The following PALM2AKAP2 variants were observed in gnomAD, a reference collection of about 807,000 sequenced individuals.
PALM2AKAP2 encodes PALM2 and AKAP2 fusion.
Under a neutral mutation model 71.5 loss-of-function variants are expected in PALM2AKAP2, and 37 were observed. The observed-to-expected ratio is 0.52, with a 90% CI of 0.40 to 0.68. PALM2AKAP2 has a LOEUF of 0.68. Ranked by LOEUF, PALM2AKAP2 falls within the 30% of genes least tolerant of loss-of-function variation. PALM2AKAP2 has a pLI of 0.00. For missense variants in PALM2AKAP2, 1,224 were observed against 1,191.8 expected, an observed-to-expected ratio of 1.03 and a Z score of -0.40; for synonymous variants, 468 against 478.8, an observed-to-expected ratio of 0.98 and a Z score of 0.29.
chr9:110,083,186 C>T lies in PALM2AKAP2; in HGVS notation c.156+34331C>T, dbSNP rs144821676. Among the ~76,000 whole-genome samples the T allele has an allele frequency of 3.1e-3, 476 of 152,110 alleles. 2 individuals carry two copies. Among genetic ancestry groups the T allele is most frequent in the Non-Finnish European group, 3.9e-3 (262 of 67,966 alleles). On this transcript the variant is annotated intron_variant, in intron 1 of 3. Transcript: ENST00000374525. ...AAAACAAAAACAATGACTTTATATT[C>T]CTCACTTCCCCCAGCCCCTAGCAGC...
intron 7 of PALM2AKAP2, among the ~76,000 whole-genome samples, chr9:110,030,234 T>C (rs895705893): frequency 1.3e-5 from 2 of 152,212 alleles, no homozygotes; most frequent in East Asian, 1.9e-4. Context: ...TGATTTTTAC[T>C]TGAAGAACCA....
At chr9:109,761,463 C>T (rs943384488) in intron 1 of PALM2AKAP2, among the ~76,000 whole-genome samples, 1 of 152,078 alleles carries the variant, frequency 6.6e-6, no homozygotes, top group African/African-American at 2.4e-5. Flanking sequence ...ACCAATCAAC[C>T]TATCATCTAG....
intron 1 of PALM2AKAP2, among the ~76,000 whole-genome samples, chr9:109,809,900 A>G (rs1827682598): frequency 6.6e-6 from 1 of 152,178 alleles, no homozygotes; most frequent in Non-Finnish European, 1.5e-5. Flanking sequence ...CTGCCGCCAT[A>G]TGAAGAAGGA....
chr9:109,788,330 G>T (rs1827020554), intron 1 of PALM2AKAP2, among the ~76,000 whole-genome samples: 2 of 152,194 alleles, frequency 1.3e-5, no homozygotes, highest in Admixed American at 1.3e-4. Context: ...CTCAAGTAAT[G>T]GACATTGTAG....
chr9:109,791,441 A>T (rs975620824), intron 1 of PALM2AKAP2, among the ~76,000 whole-genome samples: 2 of 152,198 alleles, frequency 1.3e-5, no homozygotes, highest in African/African-American at 4.8e-5. Context: ...AGCAGGAAGC[A>T]GCCTGGCATG....
rs1206443029 is a variant in PALM2AKAP2, at chr9:109,654,178, A to G, written c.5+13312A>G. Among the ~76,000 whole-genome samples the G allele has an allele frequency of 3.9e-5, 6 of 152,346 alleles. No individual in the cohort carries two copies. The Middle Eastern group carries it at 0.01, about 259-fold the overall frequency. ...TTATGGCCTCATGTGGCTGTAAGCC[A>G]TAATATCTTGGTATAAATCTCTAGT... On this transcript the variant is annotated intron_variant, in intron 1 of 6. Coordinates refer to the PALM2AKAP2 transcript ENST00000374531.
chr9:110,129,518 C>T (rs1835688516), intron 1 of PALM2AKAP2, among the ~76,000 whole-genome samples: 1 of 152,326 alleles, frequency 6.6e-6, no homozygotes, highest in African/African-American at 2.4e-5. Flanking sequence ...ACCTCTTATT[C>T]TGAAGTTTTA....
chr9:109,717,630 T>C (rs1828345463), intron 1 of PALM2AKAP2, among the ~76,000 whole-genome samples: 1 of 152,168 alleles, frequency 6.6e-6, no homozygotes, highest in Admixed American at 6.5e-5. Context: ...GCAGAAACAA[T>C]TATGAAAAGG....
At chr9:109,767,802 C>T (rs1483040695) in intron 1 of PALM2AKAP2, among the ~76,000 whole-genome samples, 1 of 149,042 alleles carries the variant, frequency 6.7e-6, no homozygotes, top group Admixed American at 6.8e-5. Context: ...CACTTCTCTA[C>T]TCTTAATGTC....
Position 110,088,144 on chromosome 9 carries a change from C to T in PALM2AKAP2, c.156+39289C>T, listed in dbSNP as rs371221533. On this transcript the variant is annotated intron_variant, in intron 1 of 3. Transcript: ENST00000374525. Reference sequence around the variant, plus strand: ...TGAAAGCACACACCACAAGGTGTGCCTTCACAAGCAGCAAGCAGCTCAAGG... The same window carrying T: ...TGAAAGCACACACCACAAGGTGTGCTTTCACAAGCAGCAAGCAGCTCAAGG... Among the ~76,000 whole-genome samples, 70 of 151,878 alleles carry T rather than the reference C, an allele frequency of 4.6e-4. No homozygotes were observed. In the South Asian group the frequency reaches 0.013, roughly 28 times the overall value.
At chr9:109,940,361 G>T (rs1831330844) in intron 6 of PALM2AKAP2, among the ~76,000 whole-genome samples, 1 of 152,148 alleles carries the variant, frequency 6.6e-6, no homozygotes, top group South Asian at 2.1e-4. Context: ...CTTAGAGATG[G>T]AAGGATCAAA....
chr9:109,768,033 G>GGGAGC (rs879384470), intron 1 of PALM2AKAP2, among the ~76,000 whole-genome samples: 36,974 of 104,252 alleles, frequency 0.35, 7,802 homozygotes, highest in African/African-American at 0.56. Flanking sequence ...AGGAAGGAAA[G>GGGAGC]AAAAAGAGGG....
intron 3 of PALM2AKAP2, among the ~76,000 whole-genome samples, chr9:109,897,850 C>T (rs894533534): frequency 1.3e-5 from 2 of 152,158 alleles, no homozygotes; most frequent in Non-Finnish European, 2.9e-5. Context: ...TTTTGTGTCT[C>T]ATATTGTTCA....
chr9:109,669,967 G>T (rs1827550798), intron 1 of PALM2AKAP2, among the ~76,000 whole-genome samples: 1 of 150,158 alleles, frequency 6.7e-6, no homozygotes. Context: ...TCTTTAGCTA[G>T]CATCTTAAAA....
intron 6 of PALM2AKAP2, among the ~76,000 whole-genome samples, chr9:109,972,847 T>C (rs1203180367): frequency 2.0e-5 from 3 of 152,244 alleles, no homozygotes; most frequent in African/African-American, 7.2e-5. Flanking sequence ...CATGCTAATA[T>C]GTATAACGGA....
chr9:109,645,038 A>G (rs1040082916), intron 1 of PALM2AKAP2, among the ~76,000 whole-genome samples: 4 of 152,054 alleles, frequency 2.6e-5, no homozygotes, highest in Non-Finnish European at 4.4e-5. Context: ...AGTTTTGACT[A>G]TTTTTTCAGC....
chr9:110,033,927 C>T (rs1305029754), intron 7 of PALM2AKAP2, among the ~76,000 whole-genome samples: 1 of 152,086 alleles, frequency 6.6e-6, no homozygotes, highest in African/African-American at 2.4e-5. Flanking sequence ...GTTCCATGAA[C>T]TCATGATATA....
chr9:109,940,312 T>C (rs1269296419), intron 6 of PALM2AKAP2, among the ~76,000 whole-genome samples: 3 of 152,058 alleles, frequency 2.0e-5, no homozygotes, highest in African/African-American at 7.2e-5. Flanking sequence ...TTCAGAGAAG[T>C]TTAGAAAAAG....
intron 1 of PALM2AKAP2, among the ~76,000 whole-genome samples, chr9:109,854,736 C>CTGTAGTCAG (rs1414810785): frequency 3.9e-5 from 4 of 102,732 alleles, no homozygotes; most frequent in Non-Finnish European, 8.0e-5. Context: ...ACATGCTATT[C>CTGTAGTCAG]TGTAGTCAGT....
Sources: allele counts gnomAD v4.1 joint callset (sites outside exome capture counted in the v4.1 genomes callset), GRCh38; gene constraint gnomAD v4.1.1; transcripts MANE v1.5; gene names NCBI Gene and HGNC (gene_info 2026-07-23, HGNC 2026-07-21).